The following PDE3A variants were observed in gnomAD, a reference collection of about 807,000 sequenced individuals.
PDE3A encodes cGMP-inhibited 3',5'-cyclic phosphodiesterase 3A.
Under a neutral mutation model 98.3 loss-of-function variants are expected in PDE3A, and 43 were observed. The observed-to-expected ratio is 0.44, with a 90% CI of 0.34 to 0.56. The LOEUF is 0.56. PDE3A is among the 20% of genes least tolerant of loss of function. PDE3A has a pLI of 0.01. For missense variants in PDE3A, 1,427 were observed against 1,440.7 expected (o/e 0.99, Z 0.15); for synonymous variants, 663 against 567.9 (o/e 1.17, Z -2.38).
chr12:20,453,928 G>A (rs912071778), intron 1 of PDE3A, among the ~76,000 whole-genome samples: 9 of 152,124 alleles, frequency 5.9e-5, no homozygotes, highest in Non-Finnish European at 8.8e-5. Flanking sequence ...TACTCATCAC[G>A]CAGTGGCAGA....
chr12:20,605,362 A>G (rs1943685861), intron 2 of PDE3A, among the ~76,000 whole-genome samples: 1 of 152,254 alleles, frequency 6.6e-6, no homozygotes, highest in African/African-American at 2.4e-5. Flanking sequence ...ATAACAATTT[A>G]TAAGGTAGAG....
chr12:20,371,743 CACTGA>C (rs1469265269), intron 1 of PDE3A, among the ~76,000 whole-genome samples: 3 of 152,090 alleles, frequency 2.0e-5, no homozygotes, highest in Non-Finnish European at 2.9e-5. Flanking sequence ...GAAAACAGGC[CACTGA>C]CTGATAGTTT....
At chr12:20,412,767 T>C (rs948614206) in intron 1 of PDE3A, among the ~76,000 whole-genome samples, 1 of 152,202 alleles carries the variant, frequency 6.6e-6, no homozygotes, top group Non-Finnish European at 1.5e-5. Context: ...AAGGTAGTCG[T>C]TGAGTGGGAG....
chr12:20,654,103 G>A lies in PDE3A; in HGVS notation c.3082G>A (p.Glu1028Lys), dbSNP rs1426464498. The A allele has an allele frequency of 1.2e-6, 2 of 1,614,096 alleles. No homozygotes were observed. Among genetic ancestry groups the A allele is most frequent in the East Asian group, 4.5e-5 (2 of 44,870 alleles). Residue 1028 changes from glutamate to lysine, a missense_variant, in exon 15 of 16, where the codon GAA (glutamate) becomes AAA (lysine). Transcript: ENST00000359062. ...AGGACTAATGCCTGGAAAATGGGTGGAAGACAGCGATGAGTCAGGAGATAC... is the reference window on the plus strand; with the variant it reads ...AGGACTAATGCCTGGAAAATGGGTGAAAGACAGCGATGAGTCAGGAGATAC... Reference protein sequence around the residue: ...SAGLMPGKWVEDSDESGDTDD... With the variant: ...SAGLMPGKWVKDSDESGDTDD...
chr12:20,551,821 G>T (rs1942210477), intron 1 of PDE3A: 12 of 1,613,978 alleles, frequency 7.4e-6, no homozygotes, highest in South Asian at 6.6e-5. Flanking sequence ...GCGGGACTGG[G>T]ACAAGGGCAT....
At chr12:20,466,269 C>T (rs1945338981) in intron 1 of PDE3A, among the ~76,000 whole-genome samples, 1 of 152,212 alleles carries the variant, frequency 6.6e-6, no homozygotes, top group African/African-American at 2.4e-5. Context: ...GCACTGACAG[C>T]TACAATCTGT....
At chr12:20,606,510 C>G (rs1025874019) in intron 2 of PDE3A, among the ~76,000 whole-genome samples, 1 of 151,972 alleles carries the variant, frequency 6.6e-6, no homozygotes, top group Non-Finnish European at 1.5e-5. Context: ...CGAAGATTTC[C>G]CTTTTATCAT....
At chr12:20,554,084 T>A (rs1198973245) in intron 1 of PDE3A, among the ~76,000 whole-genome samples, 1 of 139,118 alleles carries the variant, frequency 7.2e-6, no homozygotes, top group Non-Finnish European at 1.6e-5. Context: ...TAGGGTTTGG[T>A]TGTTTTTGTT....
At chr12:20,481,269 G>A (rs1945619812) in intron 1 of PDE3A, among the ~76,000 whole-genome samples, 1 of 152,090 alleles carries the variant, frequency 6.6e-6, no homozygotes, top group Non-Finnish European at 1.5e-5. Flanking sequence ...TTCTTCTAAA[G>A]GTGACATGAA....
intron 1 of PDE3A, among the ~76,000 whole-genome samples, chr12:20,486,319 G>A (rs1355366726): frequency 6.6e-6 from 1 of 152,088 alleles, no homozygotes; most frequent in Non-Finnish European, 1.5e-5. Flanking sequence ...AGGAGGAACT[G>A]CCTAACACTT....
At chr12:20,430,773 A>G (rs1944683015) in intron 1 of PDE3A, among the ~76,000 whole-genome samples, 1 of 152,150 alleles carries the variant, frequency 6.6e-6, no homozygotes, top group Non-Finnish European at 1.5e-5. Context: ...CTCCACTTTT[A>G]GTGTATATAA....
Position 20,680,400 on chromosome 12 carries a change from C to T in PDE3A, c.*129C>T. 2.0e-6 allele frequency: 2 copies of T among 985,808 alleles called. No homozygotes were observed. Among genetic ancestry groups the T allele is most frequent in the Admixed American group, 2.7e-5 (1 of 36,646 alleles). 61.1% of individuals were successfully genotyped at this position (985,808 alleles called of 1,614,324 possible). A position where few individuals can be genotyped will look rare whatever the true frequency, so the allele number is the denominator to read the frequency against. ...CAAATGGCTATTGCATTTTGGGATTCTTCGCATTTTGTGTGTATATTTTTA... is the reference window on the plus strand; with the variant it reads ...CAAATGGCTATTGCATTTTGGGATTTTTCGCATTTTGTGTGTATATTTTTA... On this transcript the variant is annotated 3_prime_UTR_variant, in exon 16 of 16. Transcript: ENST00000359062.
chr12:20,661,803 G>T (rs1314761437), intron 15 of PDE3A, among the ~76,000 whole-genome samples: 1 of 152,188 alleles, frequency 6.6e-6, no homozygotes, highest in Non-Finnish European at 1.5e-5. Context: ...GGGTGGGGCA[G>T]TCATGCAGAA....
intron 1 of PDE3A, among the ~76,000 whole-genome samples, chr12:20,469,497 C>G (rs369419621): frequency 1.3e-5 from 2 of 152,264 alleles, no homozygotes; most frequent in African/African-American, 4.8e-5. Context: ...TTTGAAATTG[C>G]CTTCAGAGTT....
intron 1 of PDE3A, among the ~76,000 whole-genome samples, chr12:20,469,550 T>C (rs943788861): frequency 8.5e-5 from 13 of 152,212 alleles, no homozygotes; most frequent in African/African-American, 2.9e-4. Flanking sequence ...TTATTTGGCA[T>C]AGAAACTGGC....
Position 20,552,015 on chromosome 12 carries a change from G to C in PDE3A, c.961-4645G>C. On this transcript the variant is annotated intron_variant, in intron 1 of 15. Transcript: ENST00000359062. The surrounding 1 kb of genome is among the most constrained non-coding windows in gnomAD (Gnocchi z 5.1). ...ACGACGGAGCGTACTCCCTAGTCCT[G>C]GCGGGGGGCTACGAGGATGACGTGG... is the stretch of plus-strand genomic sequence containing the variant. 6.2e-7 allele frequency: 1 copy of C among 1,612,498 alleles called. No homozygotes were observed. The highest frequency in any genetic ancestry group is 2.1e-4 in the Middle Eastern group (1 of 4,758).
Position 20,369,891 on chromosome 12 carries a change from T to C in PDE3A, c.607T>C (p.Trp203Arg), listed in dbSNP as rs757567437. The C allele has an allele frequency of 1.3e-5, 21 of 1,613,092 alleles. No homozygotes were observed. Among genetic ancestry groups the C allele is most frequent in the Non-Finnish European group, 1.7e-5 (20 of 1,179,806 alleles). ...GCTCAGCTGCTTGGCCGCCGCGACA[T>C]GGCTGGTGCTGAGGCTGAGGCTGGG... ...VVLSCLAAAT[W>R]LVLRLRLGVL... Residue 203 changes from tryptophan to arginine, a missense_variant, in exon 1 of 16, where the codon TGG becomes CGG. Around this residue, in one of 3 missense-constraint regions of PDE3A, gnomAD observed 1,012 missense variants for 886.5 expected, o/e 1.14. Transcript: ENST00000359062.
At chr12:20,370,267 T>G (rs1487710483) in intron 1 of PDE3A, 23 bp downstream of exon 1, 2 of 1,495,734 alleles carry the variant, frequency 1.3e-6, no homozygotes, top group Non-Finnish European at 1.8e-6. Flanking sequence ...AACTCCTCTC[T>G]CGGCTCTTGG....
chr12:20,386,090 AATATATATAAAT>A lies in PDE3A; in HGVS notation c.960+15866_960+15877del, dbSNP rs1433253060. On this transcript the variant is annotated intron_variant, in intron 1 of 15. Coordinates refer to ENST00000359062, the MANE Select transcript of PDE3A (RefSeq NM_000921.5). ...TATATAAAATATATATAAATATATA[AATATATATAAAT>A]ATATATATAAATATATATAAATATA... Among the ~76,000 whole-genome samples the A allele has an allele frequency of 1.8e-3, 28 of 15,142 alleles. 5 individuals are homozygous for A. The highest frequency in any genetic ancestry group is 0.043 in the Middle Eastern group (2 of 46). The allele number at this position is 15,142 out of a possible 152,430, so 9.9% of individuals were successfully genotyped here. A position where few individuals can be genotyped will look rare whatever the true frequency, so the allele number is the denominator to read the frequency against.
Sources: allele counts gnomAD v4.1 joint callset (sites outside exome capture counted in the v4.1 genomes callset), GRCh38; gene constraint gnomAD v4.1.1; regional missense constraint gnomAD v4.1.1; non-coding constraint Gnocchi (gnomAD v3.1); transcripts MANE v1.5; gene names NCBI Gene and HGNC (gene_info 2026-07-23, HGNC 2026-07-21).